DNAH2: variants seen among roughly 807,000 people sequenced by gnomAD.
DNAH2 encodes the protein axonemal beta dynein heavy chain 2.
DNAH2 carries 323 observed loss-of-function variants against 523.5 expected under a neutral mutation model. The ratio of observed to expected loss-of-function variants is 0.62; its 90% CI spans 0.56 to 0.68. The LOEUF is 0.68. Among genes scored for constraint, DNAH2 ranks in the 30% least tolerant of loss-of-function variants. The pLI, the probability that DNAH2 is intolerant of heterozygous loss-of-function variation, is 0.00. For synonymous variants in DNAH2, 2,093 were observed against 2,177.4 expected (o/e 0.96, Z 1.08); for missense variants, 4,907 against 5,701.5 (o/e 0.86, Z 4.49).
In DNAH2 at chr17:7,786,624, G is replaced by T; in HGVS notation, c.6403G>T (p.Asp2135Tyr). 1.2e-6 allele frequency: 2 copies of T among 1,614,106 alleles called. No homozygotes were observed. The highest frequency in any genetic ancestry group is 1.7e-6 in the Non-Finnish European group (2 of 1,180,046). Residue 2135 changes from aspartate to tyrosine, a missense_variant, in exon 41 of 86, where the codon GAC becomes TAC. Coordinates refer to ENST00000572933, the MANE Select transcript of DNAH2 (RefSeq NM_020877.5). The surrounding 1 kb of genome is among the most constrained non-coding windows in gnomAD (Gnocchi z 7.5). ...CCTAGGGGAACTGTATGGGGAATAT[G>T]ACCTCAGCACCAATGAATGGACAGA... ...LSLGELYGEYDLSTNEWTDGI... is the reference protein window; with the variant it reads ...LSLGELYGEYYLSTNEWTDGI...
chr17:7,819,201 A>C lies in DNAH2; in HGVS notation c.10816-8A>C, dbSNP rs542404101. The C allele has an allele frequency of 6.2e-6, 10 of 1,612,652 alleles. No homozygotes were observed. Among genetic ancestry groups the C allele is most frequent in the Non-Finnish European group, 8.5e-6 (10 of 1,179,934 alleles). ...AGTGGCCCTGACTCCACCCATCCCC[A>C]CCGGCAGGCTTACCGCCCATGCGCC... On this transcript the variant is annotated splice_region_variant and splice_polypyrimidine_tract_variant and intron_variant, in intron 71 of 85. Coordinates refer to ENST00000572933, the MANE Select transcript of DNAH2 (RefSeq NM_020877.5).
Position 7,805,234 on chromosome 17 carries a change from T to A in DNAH2, c.9301-18T>A, listed in dbSNP as rs777477649. On this transcript the variant is annotated intron_variant, in intron 60 of 85. Coordinates refer to ENST00000572933, the MANE Select transcript of DNAH2 (RefSeq NM_020877.5). Reference sequence around the variant, plus strand: ...AGAAGGTCCTGTCTTACCCTCACTTTATCCCCTTTTCCCCCAGGCCCTGGA... The same window carrying A: ...AGAAGGTCCTGTCTTACCCTCACTTAATCCCCTTTTCCCCCAGGCCCTGGA... The A allele has an allele frequency of 4.3e-6, 7 of 1,613,928 alleles. No homozygotes were observed. The highest frequency in any genetic ancestry group is 5.9e-6 in the Non-Finnish European group (7 of 1,179,862).
chr17:7,781,643 T>C (rs897597702), intron 39 of DNAH2, among the ~76,000 whole-genome samples: 1 of 152,230 alleles, frequency 6.6e-6, no homozygotes, highest in Non-Finnish European at 1.5e-5. Flanking sequence ...TATAAAGCAA[T>C]AGACTATTCA....
Position 7,804,323 on chromosome 17 carries a change from A to T in DNAH2, c.9040A>T (p.Ile3014Phe). The change falls in exon 59 of 86, where the codon ATC becomes TTC. Residue 3014 changes from isoleucine (I) to phenylalanine (F), a missense_variant. Coordinates refer to ENST00000572933, the MANE Select transcript of DNAH2 (RefSeq NM_020877.5). Reference protein sequence around the residue: ...ANKLRTGLFKIDETREKVQVM... With the variant: ...ANKLRTGLFKFDETREKVQVM... ...TAAACTGCGGACAGGCTTGTTCAAG[A>T]TCGACGAAACTAGGGAAAAGGTGCA... is the stretch of plus-strand genomic sequence containing the variant. 2 of 1,614,170 alleles carry T rather than the reference A, an allele frequency of 1.2e-6. No individual in the cohort carries two copies. Among genetic ancestry groups the T allele is most frequent in the South Asian group, 1.1e-5 (1 of 91,082 alleles).
chr17:7,832,472 G>A lies in DNAH2; in HGVS notation c.12727-107G>A. The stretch of plus-strand genomic sequence containing the variant: ...TGCAGTGAGCCAAGATCGTACCACT[G>A]CACTCCAGCCTGGGGGACAAGAGCA... On this transcript the variant is annotated intron_variant, in intron 82 of 85. Transcript: ENST00000572933. The surrounding 1 kb of genome is among the most constrained non-coding windows in gnomAD (Gnocchi z 4.3). The A allele has an allele frequency of 7.4e-7, 1 of 1,355,954 alleles. No individual in the cohort carries two copies. The highest frequency in any genetic ancestry group is 1.4e-5 in the African/African-American group (1 of 69,442). 84.0% of individuals were successfully genotyped at this position (1,355,954 alleles called of 1,614,324 possible). A position where few individuals can be genotyped will look rare whatever the true frequency, so the allele number is the denominator to read the frequency against.
chr17:7,807,539 CG>C lies in DNAH2; in HGVS notation c.9685del (p.Glu3229ArgfsTer16). ...AATGAACGCTGCCTTGGCTCAGCTT[CG>C]GGAGAAGCAAGCCGCGCTCGCTGAG... The part of the protein sequence containing the change: ...IRMNAALAQL[R>X]EKQAALAEAQ... On this transcript the variant is annotated frameshift_variant, in exon 63 of 86. Transcript: ENST00000572933. LOFTEE classifies it high-confidence loss of function. The surrounding 1 kb of genome is among the most constrained non-coding windows in gnomAD (Gnocchi z 5.6). 4.3e-6 allele frequency: 7 copies of C among 1,613,194 alleles called. No individual in the cohort carries two copies. The highest frequency in any genetic ancestry group is 5.9e-6 in the Non-Finnish European group (7 of 1,180,016).
At chr17:7,727,561 T>G (rs556278864) in intron 4 of DNAH2, among the ~76,000 whole-genome samples, 4 of 152,010 alleles carry the variant, frequency 2.6e-5, no homozygotes, top group African/African-American at 7.2e-5. Context: ...ATCGGGAACA[T>G]CCTGGCCAAC....
chr17:7,775,094 C>A, intron 29 of DNAH2, 118 bp downstream of exon 29: 1 of 1,266,532 alleles, frequency 7.9e-7, no homozygotes, highest in South Asian at 1.4e-5. Flanking sequence ...TAATGATTCT[C>A]AATTCTCAGG....
chr17:7,793,377 C>T (rs2076952815), intron 48 of DNAH2, among the ~76,000 whole-genome samples, 172 bp downstream of exon 48: 1 of 152,306 alleles, frequency 6.6e-6, no homozygotes, highest in Middle Eastern at 3.4e-3. Flanking sequence ...GCCAGGCATC[C>T]TCCCTCAGTC....
In DNAH2 at chr17:7,792,976, A is replaced by T; in HGVS notation, c.7345-5A>T. Reference sequence around the variant, plus strand: ...CCACACATTCATTCGGTACCTTTTCACCAGACCACATCCAATAACGTGCAG... The same window carrying T: ...CCACACATTCATTCGGTACCTTTTCTCCAGACCACATCCAATAACGTGCAG... On this transcript the variant is annotated splice_region_variant and splice_polypyrimidine_tract_variant and intron_variant, in intron 47 of 85. Coordinates refer to ENST00000572933, the MANE Select transcript of DNAH2 (RefSeq NM_020877.5). The T allele has an allele frequency of 1.2e-6, 2 of 1,606,618 alleles. No homozygotes were observed. The highest frequency in any genetic ancestry group is 1.7e-4 in the Middle Eastern group (1 of 6,026).
intron 2 of DNAH2, among the ~76,000 whole-genome samples, chr17:7,722,193 G>GC (rs1044761848): frequency 5.2e-5 from 7 of 134,128 alleles, no homozygotes; most frequent in African/African-American, 1.6e-4. Flanking sequence ...GAGACGGGGG[G>GC]GGGGGTTCAC....
intron 12 of DNAH2, 101 bp from the exon 13 acceptor site, chr17:7,756,990 C>T (rs370968751): frequency 4.1e-5 from 63 of 1,530,724 alleles, no homozygotes; most frequent in African/African-American, 3.8e-4. Flanking sequence ...TTTCTCATCT[C>T]GACATTTCCC....
intron 48 of DNAH2, among the ~76,000 whole-genome samples, chr17:7,793,515 C>CTTTCTTTT (rs1205341305): frequency 1.9e-5 from 2 of 104,562 alleles, no homozygotes; most frequent in African/African-American, 6.5e-5. Flanking sequence ...TTCTTTCTTT[C>CTTTCTTTT]TTCTCTTTCT....
rs765607648 is a variant in DNAH2 at position 7,774,932 on chromosome 17, C to T, written c.4675C>T (p.Leu1559Phe). 6.2e-7 allele frequency: 1 copy of T among 1,614,064 alleles called. No homozygotes were observed. The highest frequency in any genetic ancestry group is 1.1e-5 in the South Asian group (1 of 91,068). The part of the protein sequence containing the change: ...SRNPEAVQPH[L>F]KKCFDNIKLL... ...AAACCCAGAGGCTGTGCAGCCACAC[C>T]TCAAAAAATGCTTTGACAACATCAA... The change falls in exon 29 of 86, where the codon CTC becomes TTC. Residue 1559 changes from leucine to phenylalanine, a missense_variant. Around this residue, in one of 3 missense-constraint regions of DNAH2, gnomAD observed 2,806 missense variants for 3,190.8 expected, o/e 0.88. Transcript: ENST00000572933.
At position 7,786,807 on chromosome 17, in the gene DNAH2, GGGAGTGTAGGCTTGTGTCTCCGA is replaced by G; in HGVS notation, c.6467-85_6467-63del. 6.2e-7 allele frequency: 1 copy of G among 1,604,670 alleles called. No homozygotes were observed. Among genetic ancestry groups the G allele is most frequent in the Non-Finnish European group, 8.5e-7 (1 of 1,173,390 alleles). On this transcript the variant is annotated intron_variant, in intron 41 of 85. Transcript: ENST00000572933. This position sits in a 1 kb window ranked among gnomAD's most constrained non-coding sequence, Gnocchi z 7.5. ...ATGCCTGGGGAATGCTGAAGTACAA[GGGAGTGTAGGCTTGTGTCTCCGA>G]GGAGCGTGAGCGGAGGGTGCAAGGT...
In DNAH2 at chr17:7,833,550, C is replaced by G. The variant is rs753616270; in HGVS notation, c.*17C>G. ...GACAGCTGAGACCTCCTCCTCTTCTCCGCTTGAGAGAGAGGGTCAGGGACT... is the reference window on the plus strand; with the variant it reads ...GACAGCTGAGACCTCCTCCTCTTCTGCGCTTGAGAGAGAGGGTCAGGGACT... On this transcript the variant is annotated 3_prime_UTR_variant, in exon 86 of 86. Coordinates refer to ENST00000572933, the MANE Select transcript of DNAH2 (RefSeq NM_020877.5). 2 of 1,612,246 alleles carry G rather than the reference C, an allele frequency of 1.2e-6. No homozygotes were observed. Among genetic ancestry groups the G allele is most frequent in the Non-Finnish European group, 1.7e-6 (2 of 1,179,856 alleles).
chr17:7,763,542 G>T (rs2076066454), intron 18 of DNAH2, among the ~76,000 whole-genome samples: 1 of 152,190 alleles, frequency 6.6e-6, no homozygotes, highest in South Asian at 2.1e-4. Flanking sequence ...GCCTCCCAAA[G>T]TGCTGGGATT....
chr17:7,749,348 A>G (rs2642159), intron 12 of DNAH2, among the ~76,000 whole-genome samples: 1 of 136,984 alleles, frequency 7.3e-6, no homozygotes, highest in Non-Finnish European at 1.6e-5. Context: ...AAAAAAAAAA[A>G]GAAAGAAAAA....
chr17:7,831,080 C>A lies in DNAH2; in HGVS notation c.12231-6C>A. 6.2e-7 allele frequency: 1 copy of A among 1,611,642 alleles called. No homozygotes were observed. Among genetic ancestry groups the A allele is most frequent in the Non-Finnish European group, 8.5e-7 (1 of 1,179,528 alleles). On this transcript the variant is annotated splice_polypyrimidine_tract_variant and splice_region_variant and intron_variant, in intron 79 of 85. Coordinates refer to ENST00000572933, the MANE Select transcript of DNAH2 (RefSeq NM_020877.5). This position sits in a 1 kb window ranked among gnomAD's most constrained non-coding sequence, Gnocchi z 4.2. ...ATGTGGCAGTAATTATGCTATGACTCCCTAGGTTGTCAGCACTGGAGACTT... is the reference window on the plus strand; with the variant it reads ...ATGTGGCAGTAATTATGCTATGACTACCTAGGTTGTCAGCACTGGAGACTT...
Sources: allele counts gnomAD v4.1 joint callset (sites outside exome capture counted in the v4.1 genomes callset), GRCh38; gene constraint gnomAD v4.1.1; regional missense constraint gnomAD v4.1.1; non-coding constraint Gnocchi (gnomAD v3.1); transcripts MANE v1.5; gene names NCBI Gene and HGNC (gene_info 2026-07-23, HGNC 2026-07-21).